The following SAMM50 variants were observed in gnomAD, a reference collection of about 807,000 sequenced individuals.
The protein encoded by SAMM50 is SAMM50 sorting and assembly machinery component.
Under a neutral mutation model 66.9 loss-of-function variants are expected in SAMM50, and 47 were observed. The ratio of observed to expected loss-of-function variants is 0.70; its 90% CI spans 0.56 to 0.90. The LOEUF (loss-of-function observed/expected upper bound fraction) is 0.90. Ranked by LOEUF, SAMM50 falls within the 40% of genes least tolerant of loss-of-function variation. The pLI, the probability that SAMM50 is intolerant of heterozygous loss-of-function variation, is 0.00. For synonymous variants in SAMM50, 191 were observed against 214.1 expected (o/e 0.89, Z 0.94); for missense variants, 535 against 595.3 (o/e 0.90, Z 1.05).
chr22:43,972,025 A>G (rs1032517919), intron 4 of SAMM50, among the ~76,000 whole-genome samples: 2 of 152,198 alleles, frequency 1.3e-5, no homozygotes, highest in Non-Finnish European at 2.9e-5. Context: ...TCTACCAGAG[A>G]AACTAGAAAC....
At position 43,989,152 on chromosome 22, in the gene SAMM50, C is replaced by CACCTAA; in HGVS notation, c.1121_1122insAAACCT (p.Leu374_Tyr375insAsnLeu). 1 of 1,614,064 alleles carries CACCTAA rather than the reference C, an allele frequency of 6.2e-7. No homozygotes were observed. The highest frequency in any genetic ancestry group is 8.5e-7 in the Non-Finnish European group (1 of 1,180,002). On this transcript the variant is annotated inframe_insertion, in exon 13 of 15. Transcript: ENST00000350028. The stretch of plus-strand genomic sequence containing the variant: ...AGAAGCGTACTGGGCCGGCGGCCTG[C>CACCTAA]ACCTCTACACCCCATTACCTTTCCG...
At chr22:43,996,162 C>G in intron 14 of SAMM50, 176 bp from the exon 15 acceptor site, 1 of 726,488 alleles carries the variant, frequency 1.4e-6, no homozygotes, top group Non-Finnish European at 2.5e-6. Context: ...GGTTCTTAAC[C>G]AGCAAAGGAG....
At chr22:43,971,352 T>C (rs2050202707) in intron 4 of SAMM50, among the ~76,000 whole-genome samples, 1 of 152,140 alleles carries the variant, frequency 6.6e-6, no homozygotes. Context: ...GGCCACTCAT[T>C]CCTACAGAGC....
chr22:43,993,279 G>C (rs965207454), intron 14 of SAMM50, among the ~76,000 whole-genome samples: 2 of 152,238 alleles, frequency 1.3e-5, no homozygotes, highest in East Asian at 3.8e-4. Flanking sequence ...TGCACGTCTC[G>C]GGCAGGGAGG....
chr22:43,979,011 C>T (rs960771206), intron 10 of SAMM50, among the ~76,000 whole-genome samples: 29 of 152,326 alleles, frequency 1.9e-4, no homozygotes, highest in African/African-American at 6.5e-4. Context: ...TTGTCCGGCA[C>T]GTGAGCCCAT....
In SAMM50 at chr22:43,983,249, A is replaced by C. The variant is rs1396446034; in HGVS notation, c.1008-684A>C. ...TGCCTCTTGGCTGGAAAGATTACAC[A>C]GAATTTCTCTTGTCATTTAAATTCA... is the stretch of plus-strand genomic sequence containing the variant. On this transcript the variant is annotated intron_variant, in intron 11 of 14. Coordinates refer to ENST00000350028, the MANE Select transcript of SAMM50 (RefSeq NM_015380.5). This position sits in a 1 kb window ranked among gnomAD's most constrained non-coding sequence, Gnocchi z 4.2. 6.6e-6 allele frequency among the ~76,000 whole-genome samples: 1 copy of C among 152,212 alleles called. No homozygotes were observed. Among genetic ancestry groups the C allele is most frequent in the Non-Finnish European group, 1.5e-5 (1 of 68,032 alleles).
chr22:43,994,796 T>G (rs1183316433), intron 14 of SAMM50, among the ~76,000 whole-genome samples: 1 of 152,188 alleles, frequency 6.6e-6, no homozygotes, highest in African/African-American at 2.4e-5. Flanking sequence ...ATGTTTGCAG[T>G]GGGTATTTTG....
intron 11 of SAMM50, 129 bp downstream of exon 11, chr22:43,981,590 T>A (rs1301711578): frequency 1.7e-5 from 11 of 631,824 alleles, no homozygotes; most frequent in Non-Finnish European, 3.0e-5. Context: ...CTTTAGTATT[T>A]ATGTTTAAGC....
chr22:43,971,824 C>A (rs941839918), intron 4 of SAMM50, among the ~76,000 whole-genome samples: 1 of 152,074 alleles, frequency 6.6e-6, no homozygotes, highest in African/African-American at 2.4e-5. Flanking sequence ...GATCTTCTCA[C>A]CTCAGCCTCC....
At chr22:43,984,433 C>T (rs879519527) in intron 12 of SAMM50, among the ~76,000 whole-genome samples, 2 of 151,706 alleles carry the variant, frequency 1.3e-5, no homozygotes, top group Non-Finnish European at 2.9e-5. Context: ...CTGCCTCAGC[C>T]TCCCAAGTAG....
In SAMM50 at chr22:43,973,460, G is replaced by T. The variant is rs2050214880; in HGVS notation, c.648+137G>T. On this transcript the variant is annotated intron_variant, in intron 7 of 14. Coordinates refer to ENST00000350028, the MANE Select transcript of SAMM50 (RefSeq NM_015380.5). ...TCCGCACCAGGTACCTCCTGGCCAGGTGCCTCTTCTCTAGCCGAGTACAGG... is the reference window on the plus strand; with the variant it reads ...TCCGCACCAGGTACCTCCTGGCCAGTTGCCTCTTCTCTAGCCGAGTACAGG... 1.8e-5 allele frequency: 11 copies of T among 607,720 alleles called. No individual in the cohort carries two copies. In the East Asian group the frequency reaches 2.7e-4, roughly 15 times the overall value. 37.6% of individuals were successfully genotyped at this position (607,720 alleles called of 1,614,324 possible). A position where few individuals can be genotyped will look rare whatever the true frequency, so the allele number is the denominator to read the frequency against.
At chr22:43,976,335 G>A in intron 8 of SAMM50, 152 bp downstream of exon 8, 1 of 843,202 alleles carries the variant, frequency 1.2e-6, no homozygotes, top group Admixed American at 2.4e-5. Context: ...GAGGGCTTGT[G>A]GTGTCCTGCC....
At chr22:43,996,298 G>C in intron 14 of SAMM50, 40 bp from the exon 15 acceptor site, 2 of 1,611,852 alleles carry the variant, frequency 1.2e-6, no homozygotes, top group Non-Finnish European at 1.7e-6. Context: ...GGCAGGGCTG[G>C]CGGAGCGGCC....
chr22:43,967,147 C>G (rs1603418859), intron 3 of SAMM50, among the ~76,000 whole-genome samples: 1 of 152,230 alleles, frequency 6.6e-6, no homozygotes, highest in East Asian at 1.9e-4. Flanking sequence ...AAGGATCAGT[C>G]TCCTGGGTCA....
intron 14 of SAMM50, 30 bp from the exon 15 acceptor site, chr22:43,996,308 C>T (rs372160365): frequency 3.7e-6 from 6 of 1,613,580 alleles, no homozygotes; most frequent in African/African-American, 1.3e-5. Context: ...GCGGAGCGGC[C>T]GCCGCATCTG....
At chr22:43,984,922 G>A (rs892709853) in intron 12 of SAMM50, among the ~76,000 whole-genome samples, 5 of 151,964 alleles carry the variant, frequency 3.3e-5, no homozygotes, top group East Asian at 1.9e-4. Context: ...GAGCCACTGC[G>A]CCTGGCCCCT....
At chr22:43,973,722 GC>G (rs2050216402) in intron 7 of SAMM50, among the ~76,000 whole-genome samples, 1 of 152,062 alleles carries the variant, frequency 6.6e-6, no homozygotes, top group Admixed American at 6.5e-5. Context: ...TGCAACCTCC[GC>G]CTCCCCGGTT....
At chr22:43,958,734 C>T (rs997762989) in intron 1 of SAMM50, among the ~76,000 whole-genome samples, 2 of 152,168 alleles carry the variant, frequency 1.3e-5, no homozygotes, top group Admixed American at 6.5e-5. Flanking sequence ...GCCTCAGCCT[C>T]CCAAAGTGCG....
intron 12 of SAMM50, among the ~76,000 whole-genome samples, chr22:43,984,774 A>G (rs2050283401): frequency 6.6e-6 from 1 of 151,858 alleles, no homozygotes; most frequent in African/African-American, 2.4e-5. Context: ...GATTACAGGC[A>G]CACACCACCA....
Sources: gnomAD v4.1 joint callset for allele counts (sites outside exome capture counted in the v4.1 genomes callset) on GRCh38, gnomAD v4.1.1 for gene constraint, Gnocchi (gnomAD v3.1) non-coding constraint, MANE v1.5 for transcripts, NCBI Gene and HGNC (gene_info 2026-07-23, HGNC 2026-07-21) for gene names.